EXOSC1: variants seen among roughly 807,000 people sequenced by gnomAD.
EXOSC1 encodes exosome complex component CSL4.
EXOSC1 carries 27 observed loss-of-function variants against 31.4 expected under a neutral mutation model. The observed-to-expected ratio is 0.86, with a 90% CI of 0.63 to 1.18. EXOSC1 has a LOEUF of 1.18. Ranked by LOEUF, EXOSC1 falls within the 50% of genes most tolerant of loss-of-function variation. The pLI is 0.00. For synonymous variants in EXOSC1, 84 were observed against 89.5 expected (o/e 0.94, Z 0.35); for missense variants, 228 against 250.3 (o/e 0.91, Z 0.60).
chr10:97,443,166 T>G (rs1286201170), intron 3 of EXOSC1, 71 bp downstream of exon 3: 1 of 1,288,124 alleles, frequency 7.8e-7, no homozygotes, highest in Non-Finnish European at 1.1e-6. Flanking sequence ...TACTGGACAC[T>G]GCAGTTCTGG....
intron 4 of EXOSC1, 86 bp from the exon 5 acceptor site, chr10:97,438,789 G>A (rs893926590): frequency 2.7e-6 from 3 of 1,097,246 alleles, no homozygotes; most frequent in African/African-American, 3.5e-5. Flanking sequence ...GTCTCCCTCT[G>A]TCACCCAGGC....
intron 5 of EXOSC1, among the ~76,000 whole-genome samples, chr10:97,438,212 C>T (rs1027630425): frequency 1.9e-4 from 29 of 151,924 alleles, no homozygotes; most frequent in Middle Eastern, 3.4e-3. Flanking sequence ...CCACTGCACC[C>T]GGCCCTTTTT....
chr10:97,441,129 T>C, intron 4 of EXOSC1, 42 bp downstream of exon 4: 1 of 1,506,048 alleles, frequency 6.6e-7, no homozygotes, highest in Non-Finnish European at 9.2e-7. Context: ...ATCCTAATCT[T>C]ATTCCAGTTG....
chr10:97,436,656 A>C, intron 7 of EXOSC1, 105 bp from the exon 8 acceptor site: 1 of 1,011,808 alleles, frequency 9.9e-7, no homozygotes, highest in Non-Finnish European at 1.4e-6. Context: ...TTCCTACTGA[A>C]CCTCAACTCA....
intron 5 of EXOSC1, 114 bp downstream of exon 5, chr10:97,438,556 C>T: frequency 1.0e-6 from 1 of 953,954 alleles, no homozygotes; most frequent in Non-Finnish European, 1.6e-6. Context: ...CCTCCCGCCT[C>T]AGCCTCCCAA....
At chr10:97,442,617 T>G (rs1184729132) in intron 3 of EXOSC1, among the ~76,000 whole-genome samples, 3 of 152,204 alleles carry the variant, frequency 2.0e-5, no homozygotes, top group African/African-American at 7.2e-5. Flanking sequence ...CAAGCGATCT[T>G]CCTGCTTCAG....
intron 2 of EXOSC1, among the ~76,000 whole-genome samples, chr10:97,443,608 C>CACTT (rs1380009684): frequency 6.6e-6 from 1 of 152,122 alleles, no homozygotes; most frequent in Non-Finnish European, 1.5e-5. Flanking sequence ...CTGCAAGGTC[C>CACTT]ACTTCCCGGG....
intron 2 of EXOSC1, 61 bp from the exon 3 acceptor site, chr10:97,443,372 T>A: frequency 1.4e-6 from 2 of 1,448,962 alleles, no homozygotes; most frequent in South Asian, 2.3e-5. Flanking sequence ...AAGGCATTTG[T>A]GGCTTGAGAG....
chr10:97,440,241 G>A (rs1045693549), intron 4 of EXOSC1, among the ~76,000 whole-genome samples: 1 of 152,120 alleles, frequency 6.6e-6, no homozygotes, highest in Non-Finnish European at 1.5e-5. Context: ...CAAAGTGCTG[G>A]GATTACAGGC....
At chr10:97,438,081 G>A (rs1845601567) in intron 5 of EXOSC1, among the ~76,000 whole-genome samples, 1 of 151,882 alleles carries the variant, frequency 6.6e-6, no homozygotes. Context: ...CACGACACAG[G>A]CTAGTTTTTA....
chr10:97,441,161 T>C lies in EXOSC1; in HGVS notation c.311+10A>G. 1 of 1,610,106 alleles carries C rather than the reference T, an allele frequency of 6.2e-7. No individual in the cohort carries two copies. Among genetic ancestry groups the C allele is most frequent in the Non-Finnish European group, 8.5e-7 (1 of 1,176,426 alleles). ...GTTGCTAAGGTATATGTGAAAAGGA[T>C]ACTTCTTACCGGATAGTTCCTCGAA... On this transcript the variant is annotated intron_variant, in intron 4 of 7. Coordinates refer to ENST00000370902, the MANE Select transcript of EXOSC1 (RefSeq NM_016046.5).
Position 97,436,222 on chromosome 10 carries a change from TCA to T in EXOSC1, c.*221_*222del, listed in dbSNP as rs1451972427. 2.3e-6 allele frequency: 1 copy of T among 440,562 alleles called. No individual in the cohort carries two copies. Among genetic ancestry groups the T allele is most frequent in the Non-Finnish European group, 4.0e-6 (1 of 248,710 alleles). 27.3% of individuals were successfully genotyped at this position (440,562 alleles called of 1,614,324 possible). On this transcript the variant is annotated 3_prime_UTR_variant, in exon 8 of 8. Transcript: ENST00000370902. The stretch of plus-strand genomic sequence containing the variant: ...CAGGAGGGATAGGCTATTTCCAATA[TCA>T]CAGTTTTGTTTGTTGGTGCCTTGAA...
In EXOSC1 at chr10:97,443,128, A is replaced by T. The variant is rs912611811; in HGVS notation, c.222+109T>A. ...GTGTGAGCCACTGTGCCCTGCCAGA[A>T]ATAAATTTATGTAGCTTGTGGCTAT... is the stretch of plus-strand genomic sequence containing the variant. On this transcript the variant is annotated intron_variant, in intron 3 of 7. Coordinates refer to ENST00000370902, the MANE Select transcript of EXOSC1 (RefSeq NM_016046.5). 67 of 931,450 alleles carry T rather than the reference A, an allele frequency of 7.2e-5. No individual in the cohort carries two copies. The African/African-American group carries it at 1.0e-3, about 14-fold the overall frequency. 57.7% of individuals were successfully genotyped at this position (931,450 alleles called of 1,614,324 possible). A position where few individuals can be genotyped will look rare whatever the true frequency, so the allele number is the denominator to read the frequency against.
chr10:97,440,322 A>G (rs1213214379), intron 4 of EXOSC1, among the ~76,000 whole-genome samples: 1 of 151,732 alleles, frequency 6.6e-6, no homozygotes, highest in Non-Finnish European at 1.5e-5. Context: ...CTTCAGCTTC[A>G]CTCAATTCTT....
At chr10:97,440,931 C>G (rs969855063) in intron 4 of EXOSC1, 76 of 327,160 alleles carry the variant, frequency 2.3e-4, no homozygotes, top group East Asian at 6.5e-5. Flanking sequence ...GGATAACAGG[C>G]GTGAGCCACC....
intron 6 of EXOSC1, 80 bp from the exon 7 acceptor site, chr10:97,437,355 C>T (rs1845572265): frequency 3.4e-6 from 3 of 891,150 alleles, no homozygotes; most frequent in Admixed American, 2.4e-5. Context: ...GTTTTTCTAC[C>T]TTTTTTTTTT....
intron 4 of EXOSC1, 123 bp downstream of exon 4, chr10:97,441,048 A>G: frequency 1.4e-6 from 1 of 738,512 alleles, no homozygotes; most frequent in Non-Finnish European, 2.2e-6. Context: ...CAAAGCACAA[A>G]GAAGAAAGAA....
rs1246158316 is a variant in EXOSC1, at chr10:97,436,330, A to G, written c.*115T>C. 4 of 756,906 alleles carry G rather than the reference A, an allele frequency of 5.3e-6. No homozygotes were observed. The allele number at this position is 756,906 out of a possible 1,614,324, so 46.9% of individuals were successfully genotyped here. On this transcript the variant is annotated 3_prime_UTR_variant, in exon 8 of 8. Coordinates refer to ENST00000370902, the MANE Select transcript of EXOSC1 (RefSeq NM_016046.5). ...TGTTCCATCTACAGCGTAAACTGGA[A>G]GATTTTTCTGGAAGTGGCTGTTGGC... is the stretch of plus-strand genomic sequence containing the variant.
At chr10:97,445,310 A>AT (rs757080402) in intron 2 of EXOSC1, 8 of 165,432 alleles carry the variant, frequency 4.8e-5, no homozygotes, top group Non-Finnish European at 9.2e-5. Flanking sequence ...GTTATAAAAA[A>AT]TTTTTAAAGG....
Sources: gnomAD v4.1 joint callset for allele counts (sites outside exome capture counted in the v4.1 genomes callset) on GRCh38, gnomAD v4.1.1 for gene constraint, MANE v1.5 for transcripts, NCBI Gene and HGNC (gene_info 2026-07-23, HGNC 2026-07-21) for gene names.